The following CDH13 variants were observed in gnomAD, a reference collection of about 807,000 sequenced individuals.
CDH13 encodes cadherin 13.
A neutral mutation model predicts 63.8 loss-of-function variants in CDH13; 24 were observed. The observed-to-expected ratio is 0.38, with a 90% CI of 0.27 to 0.53. CDH13 has a LOEUF of 0.53. Among genes scored for constraint, CDH13 ranks in the 20% least tolerant of loss-of-function variants. The probability of loss-of-function intolerance (pLI) is 0.85; values close to 1 mark genes in which losing one functional copy is unlikely to be tolerated. For missense variants in CDH13, 1,049 were observed against 903.1 expected (o/e 1.16, Z -2.07); for synonymous variants, 503 against 355.3 (o/e 1.42, Z -4.67).
At chr16:83,698,012 A>G (rs1282246455) in intron 10 of CDH13, among the ~76,000 whole-genome samples, 3 of 152,226 alleles carry the variant, frequency 2.0e-5, no homozygotes, top group Admixed American at 1.3e-4. Context: ...GCTTGCCTGA[A>G]CATTCACTAC....
intron 1 of CDH13, among the ~76,000 whole-genome samples, chr16:82,852,788 A>G (rs2151156130): frequency 6.6e-6 from 1 of 152,340 alleles, no homozygotes; most frequent in East Asian, 1.9e-4. Flanking sequence ...GGCACTCTAC[A>G]TAACATGACA....
At chr16:83,667,926 G>T (rs1288642882) in intron 8 of CDH13, among the ~76,000 whole-genome samples, 3 of 152,096 alleles carry the variant, frequency 2.0e-5, no homozygotes, top group Non-Finnish European at 4.4e-5. Flanking sequence ...GCCTCCCAAA[G>T]AGCTAGGATT....
rs556883984 is a variant in CDH13, at chr16:83,017,844, T to G, written c.158-14166T>G. 2.0e-5 allele frequency among the ~76,000 whole-genome samples: 3 copies of G among 152,272 alleles called. No homozygotes were observed. In the East Asian group the frequency reaches 5.8e-4, roughly 29 times the overall value. The stretch of plus-strand genomic sequence containing the variant: ...CAGCTGGAAGAGTGCAGAACTAACA[T>G]AAATGATGTCCTGCTAGCATCTGCA... On this transcript the variant is annotated intron_variant, in intron 2 of 13. Coordinates refer to ENST00000567109, the MANE Select transcript of CDH13 (RefSeq NM_001257.5).
At chr16:83,560,770 C>T (rs1047956673) in intron 7 of CDH13, among the ~76,000 whole-genome samples, 8 of 152,066 alleles carry the variant, frequency 5.3e-5, no homozygotes, top group African/African-American at 1.9e-4. Flanking sequence ...AGTTTCTATT[C>T]CAAATTCCCA....
chr16:82,726,681 G>A (rs2033115396), intron 1 of CDH13, among the ~76,000 whole-genome samples: 1 of 152,226 alleles, frequency 6.6e-6, no homozygotes, highest in Non-Finnish European at 1.5e-5. Flanking sequence ...AGAAATCAGA[G>A]ACTTCCTATG....
At chr16:83,454,066 C>G (rs2072957286) in intron 6 of CDH13, among the ~76,000 whole-genome samples, 2 of 152,186 alleles carry the variant, frequency 1.3e-5, no homozygotes, top group African/African-American at 4.8e-5. Context: ...CTGTCACTAT[C>G]TGTGGAAAAA....
intron 6 of CDH13, among the ~76,000 whole-genome samples, chr16:83,355,448 C>T (rs957974927): frequency 6.6e-6 from 1 of 152,184 alleles, no homozygotes; most frequent in African/African-American, 2.4e-5. Context: ...TTCTCTTCAT[C>T]CTTCAACTTC....
At chr16:82,870,363 G>C (rs2040301117) in intron 2 of CDH13, among the ~76,000 whole-genome samples, 1 of 152,076 alleles carries the variant, frequency 6.6e-6, no homozygotes, top group Non-Finnish European at 1.5e-5. Flanking sequence ...ATACACTGTT[G>C]GTGGGAATGT....
In CDH13 at chr16:83,670,842, T is replaced by C. The variant is rs1246476500; in HGVS notation, c.1154T>C (p.Val385Ala). ...GAVGVIVNLT[V>A]EDKDDPTTGA... ...GTGGGAGTTATTGTCAATTTGACAG[T>C]TGAAGATAAGGATGACCCCACCACA... is the stretch of plus-strand genomic sequence containing the variant. Residue 385 changes from valine to alanine, a missense_variant, in exon 9 of 14, where the codon GTT becomes GCT. Transcript: ENST00000567109. 5.6e-6 allele frequency: 9 copies of C among 1,613,812 alleles called. 1 individual carries two copies. Among genetic ancestry groups the C allele is most frequent in the Non-Finnish European group, 7.6e-6 (9 of 1,179,864 alleles).
chr16:83,007,815 C>T (rs575500252), intron 2 of CDH13, among the ~76,000 whole-genome samples: 19 of 145,416 alleles, frequency 1.3e-4, no homozygotes, highest in South Asian at 4.3e-4. Context: ...CAGAGCAAGA[C>T]GACTCTGTCA....
intron 4 of CDH13, among the ~76,000 whole-genome samples, chr16:83,173,812 C>T (rs1290918893): frequency 6.6e-6 from 1 of 151,960 alleles, no homozygotes; most frequent in Admixed American, 6.6e-5. Flanking sequence ...TTTTACCTGC[C>T]CTGTTACCTT....
chr16:82,655,803 CA>C (rs1911228501), intron 1 of CDH13, among the ~76,000 whole-genome samples: 1 of 152,078 alleles, frequency 6.6e-6, no homozygotes, highest in Admixed American at 6.5e-5. Context: ...CCCATTTTAA[CA>C]ATGGGGAAAC....
At chr16:83,405,830 CGT>C (rs1397235246) in intron 6 of CDH13, among the ~76,000 whole-genome samples, 3 of 152,174 alleles carry the variant, frequency 2.0e-5, no homozygotes, top group Non-Finnish European at 4.4e-5. Flanking sequence ...GTTGGTATCA[CGT>C]TGCATTCCTC....
chr16:83,572,979 G>A (rs1904782191), intron 7 of CDH13, among the ~76,000 whole-genome samples: 1 of 152,148 alleles, frequency 6.6e-6, no homozygotes, highest in South Asian at 2.1e-4. Context: ...GCGAGCACAG[G>A]CTGAGTGATG....
intron 6 of CDH13, among the ~76,000 whole-genome samples, chr16:83,417,441 T>G (rs1567658423): frequency 6.6e-6 from 1 of 152,174 alleles, no homozygotes; most frequent in Non-Finnish European, 1.5e-5. Context: ...ACTGTCCTCT[T>G]TATCTTAACC....
intron 6 of CDH13, among the ~76,000 whole-genome samples, chr16:83,429,045 T>A (rs2072006528): frequency 6.6e-6 from 1 of 152,252 alleles, no homozygotes; most frequent in Non-Finnish European, 1.5e-5. Context: ...GATAAGACAG[T>A]TACCAAAGGA....
At chr16:82,746,143 A>T (rs1244827749) in intron 1 of CDH13, among the ~76,000 whole-genome samples, 1 of 151,586 alleles carries the variant, frequency 6.6e-6, no homozygotes, top group Non-Finnish European at 1.5e-5. Flanking sequence ...GCACACATCA[A>T]ACATACTATA....
At chr16:82,848,746 A>G (rs1390995514) in intron 1 of CDH13, among the ~76,000 whole-genome samples, 1 of 152,186 alleles carries the variant, frequency 6.6e-6, no homozygotes, top group East Asian at 1.9e-4. Context: ...AGGCCAATGA[A>G]TAAGCCTACA....
At chr16:83,734,740 A>ATAATAATAATAG (rs2150955386) in intron 10 of CDH13, among the ~76,000 whole-genome samples, 1 of 149,098 alleles carries the variant, frequency 6.7e-6, no homozygotes, top group South Asian at 2.1e-4. Flanking sequence ...AATAATAATA[A>ATAATAATAATAG]TAATAATAAT....
Sources: allele counts gnomAD v4.1 joint callset (sites outside exome capture counted in the v4.1 genomes callset), GRCh38; gene constraint gnomAD v4.1.1; transcripts MANE v1.5; gene names NCBI Gene and HGNC (gene_info 2026-07-23, HGNC 2026-07-21).